Variants in SPECC1 observed in about 807,000 individuals in gnomAD.
SPECC1 encodes the protein sperm antigen with calponin homology and coiled-coil domains 1, also known as cytospin-B.
In SPECC1, 62 loss-of-function variants were observed where a neutral mutation model predicts 104.1. The ratio of observed to expected loss-of-function variants is 0.60; its 90% CI spans 0.49 to 0.74. The LOEUF is 0.74. SPECC1 is among the 30% of genes least tolerant of loss of function. The probability of loss-of-function intolerance (pLI) is 0.00; values close to 1 mark genes in which losing one functional copy is unlikely to be tolerated. For synonymous variants in SPECC1, 513 were observed against 501.6 expected, an observed-to-expected ratio of 1.02 and a Z score of -0.30; for missense variants, 1,306 against 1,310.5, an observed-to-expected ratio of 1.00 and a Z score of 0.05.
At chr17:20,199,383 GTTTTTTTTTTT>G (rs3077216) in intron 3 of SPECC1, among the ~76,000 whole-genome samples, 3 of 62,464 alleles carry the variant, frequency 4.8e-5, no homozygotes, top group Middle Eastern at 0.014. Context: ...CACCGTGCTG[GTTTTTTTTTTT>G]TTTTTTTTTT....
chr17:20,318,067 T>G lies in SPECC1; in HGVS notation c.*4002T>G. 4.3e-6 allele frequency: 1 copy of G among 231,248 alleles called. No homozygotes were observed. The highest frequency in any genetic ancestry group is 8.6e-6 in the Non-Finnish European group (1 of 116,788). The allele number at this position is 231,248 out of a possible 1,614,324, so 14.3% of individuals were successfully genotyped here. A position where few individuals can be genotyped will look rare whatever the true frequency, so the allele number is the denominator to read the frequency against. On this transcript the variant is annotated 3_prime_UTR_variant, in exon 15 of 15. Coordinates refer to ENST00000395527, the MANE Select transcript of SPECC1 (RefSeq NM_001243439.2). ...ATTCCCAGTTTCTGTCCTGAGGATT[T>G]CAAAGACCACAACAGCCACATTTCT...
At chr17:20,166,108 TA>T (rs897880160) in intron 3 of SPECC1, among the ~76,000 whole-genome samples, 1 of 152,214 alleles carries the variant, frequency 6.6e-6, no homozygotes, top group African/African-American at 2.4e-5. Flanking sequence ...AAAAACACAA[TA>T]CACCACAGAG....
chr17:20,309,401 A>C (rs137890189), intron 14 of SPECC1, among the ~76,000 whole-genome samples: 180 of 152,310 alleles, frequency 1.2e-3, no homozygotes, highest in African/African-American at 4.3e-3. Flanking sequence ...TTATTTTTAT[A>C]ATTTCAACTT....
intron 1 of SPECC1, among the ~76,000 whole-genome samples, chr17:20,024,598 C>G (rs966447255): frequency 6.6e-6 from 1 of 152,164 alleles, no homozygotes; most frequent in African/African-American, 2.4e-5. Flanking sequence ...TTGCAGTGTT[C>G]CTTGTCACTG....
intron 1 of SPECC1, among the ~76,000 whole-genome samples, chr17:20,032,451 CTTCA>C (rs2044855061): frequency 6.6e-6 from 1 of 151,852 alleles, no homozygotes; most frequent in Non-Finnish European, 1.5e-5. Flanking sequence ...GTTTATTTTT[CTTCA>C]TTCTTTTTTC....
rs11268344 is a variant in SPECC1, at chr17:20,051,133, T to TTTCTTTCC, written c.-22+41749_-22+41756dup. 8.1e-3 allele frequency among the ~76,000 whole-genome samples: 330 copies of TTTCTTTCC among 40,794 alleles called. 11 individuals carry two copies. The highest frequency in any genetic ancestry group is 0.011 in the Non-Finnish European group (201 of 18,276). The allele number at this position is 40,794 out of a possible 152,430, so 26.8% of individuals were successfully genotyped here. A position where few individuals can be genotyped will look rare whatever the true frequency, so the allele number is the denominator to read the frequency against. On this transcript the variant is annotated intron_variant, in intron 1 of 14. Transcript: ENST00000395527. Reference sequence around the variant, plus strand: ...CTTTCTTTCTTTCTTTCTTTCTTTCTTTCTTTCCTTCTTTCCTTCTTTCCT... The same window carrying TTTCTTTCC: ...CTTTCTTTCTTTCTTTCTTTCTTTCTTTCTTTCCTTCTTTCCTTCTTTCCTTCTTTCCT...
At position 20,253,720 on chromosome 17, in the gene SPECC1, T is replaced by G. The variant is rs2039717816; in HGVS notation, c.2680+134T>G. On this transcript the variant is annotated intron_variant, in intron 10 of 14. Coordinates refer to ENST00000395527, the MANE Select transcript of SPECC1 (RefSeq NM_001243439.2). Reference sequence around the variant, plus strand: ...TGCAAGTGATTTCAACCCCGAATAATGTACATATCATGAATGTTAGATGCA... The same window carrying G: ...TGCAAGTGATTTCAACCCCGAATAAGGTACATATCATGAATGTTAGATGCA... 2.5e-6 allele frequency: 2 copies of G among 807,572 alleles called. No homozygotes were observed. Among genetic ancestry groups the G allele is most frequent in the Non-Finnish European group, 4.0e-6 (2 of 505,764 alleles). The allele number at this position is 807,572 out of a possible 1,614,324, so 50.0% of individuals were successfully genotyped here. A position where few individuals can be genotyped will look rare whatever the true frequency, so the allele number is the denominator to read the frequency against.
chr17:20,211,606 C>T (rs998041605), intron 4 of SPECC1, among the ~76,000 whole-genome samples: 1 of 152,248 alleles, frequency 6.6e-6, no homozygotes, highest in African/African-American at 2.4e-5. Context: ...ATGTGATAGG[C>T]ATGTGGCCCG....
chr17:20,132,525 G>T (rs547500187), intron 3 of SPECC1, among the ~76,000 whole-genome samples: 1 of 148,146 alleles, frequency 6.8e-6, no homozygotes, highest in Non-Finnish European at 1.5e-5. Flanking sequence ...AAGTTTGTTT[G>T]TTTGTTTGTT....
At chr17:20,103,064 A>G (rs2048017587) in intron 2 of SPECC1, among the ~76,000 whole-genome samples, 1 of 152,218 alleles carries the variant, frequency 6.6e-6, no homozygotes, top group South Asian at 2.1e-4. Flanking sequence ...TGGCAGAGCC[A>G]GGATTCAGAC....
At chr17:20,177,342 T>C (rs2034540429) in intron 3 of SPECC1, among the ~76,000 whole-genome samples, 2 of 152,220 alleles carry the variant, frequency 1.3e-5, no homozygotes, top group Non-Finnish European at 2.9e-5. Context: ...GGAGTTGTTT[T>C]GGTGGCTTTT....
At chr17:20,228,374 T>G (rs2038366207) in intron 5 of SPECC1, among the ~76,000 whole-genome samples, 1 of 152,162 alleles carries the variant, frequency 6.6e-6, no homozygotes, top group Non-Finnish European at 1.5e-5. Flanking sequence ...TTGGCTGTGC[T>G]GGATGTGTTT....
intron 1 of SPECC1, among the ~76,000 whole-genome samples, chr17:20,031,870 G>A (rs1325781840): frequency 6.6e-6 from 1 of 152,152 alleles, no homozygotes; most frequent in African/African-American, 2.4e-5. Context: ...ATTCCATTGT[G>A]TATACATATA....
chr17:20,298,483 G>A (rs2041429920), intron 13 of SPECC1, among the ~76,000 whole-genome samples: 1 of 152,210 alleles, frequency 6.6e-6, no homozygotes, highest in African/African-American at 2.4e-5. Flanking sequence ...TGGGGCCAGA[G>A]AGGCTGTGCT....
chr17:20,035,205 C>A lies in SPECC1; in HGVS notation c.-22+25781C>A, dbSNP rs1457829402. 2.6e-5 allele frequency among the ~76,000 whole-genome samples: 4 copies of A among 152,216 alleles called. No individual in the cohort carries two copies. The East Asian group carries it at 7.7e-4, about 29-fold the overall frequency. On this transcript the variant is annotated intron_variant, in intron 1 of 14. Coordinates refer to ENST00000395527, the MANE Select transcript of SPECC1 (RefSeq NM_001243439.2). ...TACTGTAGCTATGTAAGTCTTGAAA[C>A]TGGATAGACTGATTCTTCCCACTTT...
chr17:20,213,889 A>G (rs2037318052), intron 4 of SPECC1, among the ~76,000 whole-genome samples: 1 of 151,646 alleles, frequency 6.6e-6, no homozygotes, highest in South Asian at 2.1e-4. Flanking sequence ...TTTTTTTTTT[A>G]AATAGCAGCT....
chr17:20,126,457 C>T (rs1308588428), intron 3 of SPECC1: 1 of 152,196 alleles, frequency 6.6e-6, no homozygotes, highest in East Asian at 1.9e-4. Flanking sequence ...TTCTCTGCAT[C>T]ATTCCAGTTT....
chr17:20,241,669 G>A (rs544051527), intron 7 of SPECC1, among the ~76,000 whole-genome samples: 2 of 151,084 alleles, frequency 1.3e-5, no homozygotes, highest in Admixed American at 1.3e-4. Context: ...TGATGCTGGT[G>A]TTCAAATTAC....
intron 1 of SPECC1, among the ~76,000 whole-genome samples, chr17:20,093,756 A>C (rs1409011695): frequency 7.0e-6 from 1 of 143,784 alleles, no homozygotes; most frequent in Non-Finnish European, 1.5e-5. Flanking sequence ...TTGGAGATGG[A>C]GTCTCCCTCT....
Sources: gnomAD v4.1 joint callset for allele counts (sites outside exome capture counted in the v4.1 genomes callset) on GRCh38, gnomAD v4.1.1 for gene constraint, MANE v1.5 for transcripts, NCBI Gene and HGNC (gene_info 2026-07-23, HGNC 2026-07-21) for gene names.